The following MAML2 variants were observed in gnomAD, a reference collection of about 807,000 sequenced individuals.
MAML2 encodes mastermind-like protein 2.
In MAML2, 22 loss-of-function variants were observed where a neutral mutation model predicts 96.1. The ratio of observed to expected loss-of-function variants is 0.23; its 90% confidence interval spans 0.16 to 0.33. The LOEUF is 0.33. Ranked by LOEUF, MAML2 falls within the 10% of genes least tolerant of loss-of-function variation. The pLI is 1.00. For missense variants in MAML2, 1,367 were observed against 1,392.4 expected, an observed-to-expected ratio of 0.98 and a Z score of 0.29; for synonymous variants, 561 against 521.3, an observed-to-expected ratio of 1.08 and a Z score of -1.04.
chr11:96,002,547 G>A (rs1292215063), intron 2 of MAML2, among the ~76,000 whole-genome samples: 1 of 140,626 alleles, frequency 7.1e-6, no homozygotes, highest in Non-Finnish European at 1.5e-5. Flanking sequence ...AGATGATGAT[G>A]GGGATGATGA....
chr11:96,327,606 C>T (rs1156355296), intron 1 of MAML2, among the ~76,000 whole-genome samples: 5 of 151,276 alleles, frequency 3.3e-5, no homozygotes, highest in African/African-American at 7.3e-5. Flanking sequence ...TTAGTAGAGA[C>T]GGGGTTTCAC....
At chr11:96,168,284 C>T (rs2135897136) in intron 1 of MAML2, among the ~76,000 whole-genome samples, 1 of 152,216 alleles carries the variant, frequency 6.6e-6, no homozygotes, top group East Asian at 1.9e-4. Flanking sequence ...TTTATTAATT[C>T]CATTATGGTG....
At chr11:96,331,691 G>A (rs61901562) in intron 1 of MAML2, among the ~76,000 whole-genome samples, 9 of 151,522 alleles carry the variant, frequency 5.9e-5, no homozygotes, top group South Asian at 2.1e-4. Context: ...GGTGGTGGGC[G>A]CCTGTAATCT....
At chr11:96,086,028 A>G (rs1017039375) in intron 2 of MAML2, among the ~76,000 whole-genome samples, 5 of 152,246 alleles carry the variant, frequency 3.3e-5, no homozygotes, top group African/African-American at 1.2e-4. Flanking sequence ...AAATGCCCAC[A>G]TGATTTTTGC....
At chr11:96,030,292 T>C (rs924522748) in intron 2 of MAML2, among the ~76,000 whole-genome samples, 2 of 151,604 alleles carry the variant, frequency 1.3e-5, no homozygotes, top group Non-Finnish European at 2.9e-5. Flanking sequence ...CATTGTTTTT[T>C]TAAAAAAGGA....
At chr11:96,144,332 A>G (rs2135869561) in intron 1 of MAML2, among the ~76,000 whole-genome samples, 1 of 152,362 alleles carries the variant, frequency 6.6e-6, no homozygotes, top group South Asian at 2.1e-4. Flanking sequence ...AAAGAAACTC[A>G]GTGTCTATAA....
At chr11:96,205,268 A>G (rs561704711) in intron 1 of MAML2, among the ~76,000 whole-genome samples, 1 of 152,308 alleles carries the variant, frequency 6.6e-6, no homozygotes, top group South Asian at 2.1e-4. Flanking sequence ...TTACCAATAT[A>G]TTCATTTACT....
At chr11:96,283,917 A>C (rs1462426550) in intron 1 of MAML2, among the ~76,000 whole-genome samples, 2 of 151,676 alleles carry the variant, frequency 1.3e-5, no homozygotes, top group African/African-American at 4.8e-5. Context: ...AGTTATTTCC[A>C]CTTCCTCATC....
At chr11:96,287,004 T>G (rs1206795862) in intron 1 of MAML2, among the ~76,000 whole-genome samples, 1 of 152,186 alleles carries the variant, frequency 6.6e-6, no homozygotes, top group Non-Finnish European at 1.5e-5. Context: ...GAGAGCAGCC[T>G]GATGCGCTGC....
intron 1 of MAML2, among the ~76,000 whole-genome samples, chr11:96,265,799 A>G (rs1340697123): frequency 1.3e-5 from 2 of 152,182 alleles, no homozygotes; most frequent in Non-Finnish European, 2.9e-5. Flanking sequence ...TCGGCCCCCA[A>G]GCGGCCCAAC....
intron 2 of MAML2, among the ~76,000 whole-genome samples, chr11:96,038,149 T>C (rs1352268264): frequency 6.6e-6 from 1 of 152,182 alleles, no homozygotes; most frequent in Non-Finnish European, 1.5e-5. Flanking sequence ...CAAATTGAAT[T>C]CTATGGAATT....
intron 2 of MAML2, among the ~76,000 whole-genome samples, chr11:96,045,016 G>A (rs1286400824): frequency 6.7e-6 from 1 of 149,784 alleles, no homozygotes; most frequent in Non-Finnish European, 1.5e-5. Flanking sequence ...AGAGCACTTG[G>A]TTGAAAAAGC....
chr11:96,177,306 T>A (rs1216310191), intron 1 of MAML2, among the ~76,000 whole-genome samples: 1 of 152,240 alleles, frequency 6.6e-6, no homozygotes, highest in Non-Finnish European at 1.5e-5. Context: ...AGAATGTGAC[T>A]GTCAATTTTC....
chr11:96,078,108 C>A (rs376205145), intron 2 of MAML2, among the ~76,000 whole-genome samples: 12 of 152,160 alleles, frequency 7.9e-5, no homozygotes, highest in Admixed American at 7.2e-4. Context: ...GAGGTGGATG[C>A]CCCTTCTCTG....
In MAML2 at chr11:96,246,681, A is replaced by G. The variant is rs942213100; in HGVS notation, c.513+94702T>C. Among the ~76,000 whole-genome samples the G allele has an allele frequency of 3.3e-5, 5 of 152,300 alleles. No individual in the cohort carries two copies. In the South Asian group the frequency reaches 1.0e-3, roughly 32 times the overall value. On this transcript the variant is annotated intron_variant, in intron 1 of 4. Coordinates refer to ENST00000524717, the MANE Select transcript of MAML2 (RefSeq NM_032427.4). ...TCAAATGTCTGAATTATTTGGTGAC[A>G]AACAATGAACTGTTCCCACATGCAC...
intron 1 of MAML2, among the ~76,000 whole-genome samples, chr11:96,101,215 C>G (rs1035932117): frequency 2.6e-5 from 4 of 152,318 alleles, no homozygotes; most frequent in African/African-American, 9.6e-5. Context: ...CCCACCTCCC[C>G]TTTCTTAGAT....
intron 1 of MAML2, among the ~76,000 whole-genome samples, chr11:96,134,023 A>G (rs1281695611): frequency 6.6e-6 from 1 of 152,210 alleles, no homozygotes; most frequent in Non-Finnish European, 1.5e-5. Context: ...GAAAACAGAA[A>G]AAAGAAAGAA....
rs150191504 is a variant in MAML2 at position 96,158,104 on chromosome 11, G to A, written c.514-64587C>T. 4.4e-3 allele frequency among the ~76,000 whole-genome samples: 672 copies of A among 152,258 alleles called. 4 individuals are homozygous for A. Among genetic ancestry groups the A allele is most frequent in the Middle Eastern group, 0.01 (3 of 294 alleles). ...AGGTATTCCAAGTCCTGTGGGGAAG[G>A]CAAGGCTAAACAGAAAAAGTGTTTG... On this transcript the variant is annotated intron_variant, in intron 1 of 4. Coordinates refer to ENST00000524717, the MANE Select transcript of MAML2 (RefSeq NM_032427.4).
intron 1 of MAML2, among the ~76,000 whole-genome samples, chr11:96,246,308 A>C (rs1180687428): frequency 1.3e-5 from 2 of 152,094 alleles, no homozygotes; most frequent in African/African-American, 4.8e-5. Context: ...TTGGATTCTG[A>C]AGTATAAGGA....
Sources: gnomAD v4.1 joint callset for allele counts (sites outside exome capture counted in the v4.1 genomes callset) on GRCh38, gnomAD v4.1.1 for gene constraint, MANE v1.5 for transcripts, NCBI Gene and HGNC (gene_info 2026-07-23, HGNC 2026-07-21) for gene names.